Variants in ITGA7 observed in about 807,000 individuals in gnomAD.
ITGA7 encodes integrin subunit alpha 7.
In ITGA7, 84 loss-of-function variants were observed where a neutral mutation model predicts 131.6. The ratio of observed to expected loss-of-function variants is 0.64; its 90% CI spans 0.54 to 0.77. The LOEUF (loss-of-function observed/expected upper bound fraction) is 0.77. Ranked by LOEUF, ITGA7 falls within the 30% of genes least tolerant of loss-of-function variation. The pLI is 0.00. For synonymous variants in ITGA7, 548 were observed against 600.7 expected (o/e 0.91, Z 1.28); for missense variants, 1,399 against 1,482.9 (o/e 0.94, Z 0.93).
At chr12:55,700,458 G>A in intron 4 of ITGA7, 1 of 1,539,966 alleles carries the variant, frequency 6.5e-7, no homozygotes, top group Non-Finnish European at 8.7e-7. Context: ...GCCGGACACT[G>A]AGTTAGACAG....
At position 55,693,347 on chromosome 12, in the gene ITGA7, G is replaced by T. The variant is rs771700218; in HGVS notation, c.2536-30C>A. 9.3e-6 allele frequency: 13 copies of T among 1,404,434 alleles called. No homozygotes were observed. The Admixed American group carries it at 2.1e-4, about 22-fold the overall frequency. The allele number at this position is 1,404,434 out of a possible 1,614,324, so 87.0% of individuals were successfully genotyped here. A position where few individuals can be genotyped will look rare whatever the true frequency, so the allele number is the denominator to read the frequency against. The stretch of plus-strand genomic sequence containing the variant: ...GGGAAAAAGAGAGTATGAGGGGAGA[G>T]ACCTCAGTTTTTCTTTTTTTTTTTT... On this transcript the variant is annotated intron_variant, in intron 19 of 24. Transcript: ENST00000257879.
At position 55,697,995 on chromosome 12, in the gene ITGA7, A is replaced by G; in HGVS notation, c.1224T>C (p.Asp408=). The G allele has an allele frequency of 6.2e-7, 1 of 1,614,108 alleles. No individual in the cohort carries two copies. The highest frequency in any genetic ancestry group is 8.5e-7 in the Non-Finnish European group (1 of 1,180,008). The change falls in exon 8 of 25, where the codon GAT becomes GAC. Residue 408 remains aspartate, a synonymous_variant. Transcript: ENST00000257879. ...DIAVGAPFDG[D]GKVFIYHGSS... ...TCCCATGGTAGATGAAGACTTTCCC[A>G]TCACCATCAAAGGGGGCACCCACTG... is the stretch of plus-strand genomic sequence containing the variant.
At position 55,693,241 on chromosome 12, in the gene ITGA7, T is replaced by C. The variant is rs768368830; in HGVS notation, c.2612A>G (p.Asn871Ser). Reference protein sequence around the residue: ...LNIMWPHEIANGKWLLYPMQV... With the variant: ...LNIMWPHEIASGKWLLYPMQV... ...CATTGGGTACAGCAACCACTTCCCATTGGCAATCTCATGAGGCCACATGAT... is the reference window on the plus strand; with the variant it reads ...CATTGGGTACAGCAACCACTTCCCACTGGCAATCTCATGAGGCCACATGAT... The change falls in exon 20 of 25, where the codon AAT (asparagine) becomes AGT (serine). Residue 871 changes from asparagine to serine, a missense_variant. Coordinates refer to ENST00000257879, the MANE Select transcript of ITGA7 (RefSeq NM_002206.3). 1.1e-5 allele frequency: 18 copies of C among 1,613,938 alleles called. No individual in the cohort carries two copies. In the African/African-American group the frequency reaches 1.7e-4, roughly 16 times the overall value.
chr12:55,701,102 G>T lies in ITGA7; in HGVS notation c.467C>A (p.Thr156Lys), dbSNP rs375671999. The change falls in exon 4 of 25, where the codon ACG (threonine) becomes AAG (lysine). Residue 156 changes from threonine to lysine, a missense_variant. Coordinates refer to ENST00000257879, the MANE Select transcript of ITGA7 (RefSeq NM_002206.3). ...AAAGCAGCGACCAATCATATCCCGC[G>T]TCTCCAGGATCTGGTCCACTCGCTG... is the stretch of plus-strand genomic sequence containing the variant. ...ARQRVDQILETRDMIGRCFVL... is the reference protein window; with the variant it reads ...ARQRVDQILEKRDMIGRCFVL... The T allele has an allele frequency of 4.0e-5, 64 of 1,614,070 alleles. No individual in the cohort carries two copies. Among genetic ancestry groups the T allele is most frequent in the Non-Finnish European group, 5.2e-5 (61 of 1,180,036 alleles).
In ITGA7 at chr12:55,685,334, G is replaced by A. The variant is rs759353806; in HGVS notation, c.3184-46C>T. On this transcript the variant is annotated intron_variant, in intron 24 of 24. Transcript: ENST00000257879. ...ACCATGAGGAGCCTGAAGAGCTGCGGTCCCTGGAGCAGATGCCTAGCGCGG... is the reference window on the plus strand; with the variant it reads ...ACCATGAGGAGCCTGAAGAGCTGCGATCCCTGGAGCAGATGCCTAGCGCGG... The A allele has an allele frequency of 4.4e-5, 69 of 1,569,640 alleles. No individual in the cohort carries two copies. The Middle Eastern group carries it at 1.0e-3, about 23-fold the overall frequency.
upstream of ITGA7, among the ~76,000 whole-genome samples, chr12:55,714,368 AT>A (rs2136126355): frequency 7.0e-6 from 1 of 142,388 alleles, no homozygotes; most frequent in South Asian, 2.3e-4. Flanking sequence ...AAAAAAAAAA[AT>A]TAGCCGGGCG....
At position 55,685,082 on chromosome 12, in the gene ITGA7, C is replaced by G; in HGVS notation, c.3390G>C (p.Gly1130=). Residue 1130 remains glycine, a synonymous_variant, in exon 25 of 25, where the codon GGG becomes GGC. Transcript: ENST00000257879. The stretch of plus-strand genomic sequence containing the variant: ...CCTAGGCGGTGCCTGGCCCTGGATG[C>G]CCATCGGGGCCCAGCTCGGGATGCC... The part of the protein sequence containing the change: ...ADGHPELGPD[G]HPGPGTA 6.3e-7 allele frequency: 1 copy of G among 1,597,074 alleles called. No homozygotes were observed. The highest frequency in any genetic ancestry group is 8.5e-7 in the Non-Finnish European group (1 of 1,173,614).
chr12:55,702,816 AAC>A (rs138614852), intron 3 of ITGA7, 54 bp downstream of exon 3: 20,017 of 1,148,408 alleles, frequency 0.017, no homozygotes, highest in Non-Finnish European at 0.019. Context: ...ACACACCATA[AAC>A]ACACACACAC....
rs1419989649 is a variant in ITGA7 at position 55,687,885 on chromosome 12, T to A, written c.3183+86A>T. On this transcript the variant is annotated intron_variant, in intron 24 of 24. Coordinates refer to ENST00000257879, the MANE Select transcript of ITGA7 (RefSeq NM_002206.3). ...TGCAGATTTGCTGAATACATGAGTG[T>A]GTGGGTGGGTGACAGAACCACAATA... 9 of 1,567,224 alleles carry A rather than the reference T, an allele frequency of 5.7e-6. No individual in the cohort carries two copies. The African/African-American group carries it at 1.2e-4, about 21-fold the overall frequency.
chr12:55,707,812 CCCCGCCAGCCCT>C lies in ITGA7; in HGVS notation c.-142_-131del. 2.7e-6 allele frequency: 4 copies of C among 1,485,770 alleles called. No individual in the cohort carries two copies. In the South Asian group the frequency reaches 4.0e-5, roughly 15 times the overall value. 92.0% of individuals were successfully genotyped at this position (1,485,770 alleles called of 1,614,324 possible). ...CTTTCAGACGTCTCCCAGACGTTCG[CCCCGCCAGCCCT>C]CCCGCCCGCCCGCCGCTCCGCCACC... On this transcript the variant is annotated 5_prime_UTR_variant, in exon 1 of 25. Transcript: ENST00000257879.
At chr12:55,712,257 C>G (rs1251734438), upstream of ITGA7, 1 of 1,551,214 alleles carries the variant, frequency 6.4e-7, no homozygotes, top group Non-Finnish European at 8.7e-7. Flanking sequence ...GGTCACTTAC[C>G]AAAGGGAGCC....
chr12:55,692,744 G>A, intron 21 of ITGA7, 100 bp downstream of exon 21: 1 of 1,442,356 alleles, frequency 6.9e-7, no homozygotes, highest in Non-Finnish European at 9.4e-7. Flanking sequence ...GGGAACATCT[G>A]GTCAACTTGC....
upstream of ITGA7, chr12:55,716,143 C>T (rs1244219754): frequency 6.2e-7 from 1 of 1,612,046 alleles, no homozygotes; most frequent in Admixed American, 1.7e-5. Context: ...ACCATGCTGT[C>T]CCGCCTCCTA....
At chr12:55,700,847 G>A (rs1592465513) in intron 4 of ITGA7, 52 bp downstream of exon 4, 2 of 1,611,822 alleles carry the variant, frequency 1.2e-6, no homozygotes, top group East Asian at 2.2e-5. Context: ...CCCTGTCTCT[G>A]AGGTAAGAGG....
chr12:55,690,758 G>C (rs1871255575), intron 21 of ITGA7, among the ~76,000 whole-genome samples: 1 of 150,156 alleles, frequency 6.7e-6, no homozygotes, highest in South Asian at 2.1e-4. Flanking sequence ...TTAAGAAAAT[G>C]TGGCACATAT....
upstream of ITGA7, among the ~76,000 whole-genome samples, chr12:55,711,453 G>A (rs1232182630): frequency 6.6e-6 from 1 of 151,498 alleles, no homozygotes; most frequent in African/African-American, 2.4e-5. Context: ...ACTCCAGCCT[G>A]GGGGACACAG....
intron 1 of ITGA7, among the ~76,000 whole-genome samples, chr12:55,706,486 T>C (rs1875209590): frequency 6.6e-6 from 1 of 152,096 alleles, no homozygotes; most frequent in Non-Finnish European, 1.5e-5. Flanking sequence ...CAGTAATGGA[T>C]ACTTAATGTG....
At chr12:55,703,203 A>G (rs781739407) in intron 1 of ITGA7, 25 bp from the exon 2 acceptor site, 2 of 1,604,042 alleles carry the variant, frequency 1.2e-6, no homozygotes, top group Admixed American at 3.3e-5. Context: ...AGGGGCAGGG[A>G]CAGGGACAGG....
chr12:55,715,448 T>C (rs1277749053), upstream of ITGA7, among the ~76,000 whole-genome samples: 1 of 152,202 alleles, frequency 6.6e-6, no homozygotes, highest in African/African-American at 2.4e-5. Flanking sequence ...AGAGGCCTTA[T>C]ATAAATTACT....
Sources: gnomAD v4.1 joint callset for allele counts (sites outside exome capture counted in the v4.1 genomes callset) on GRCh38, gnomAD v4.1.1 for gene constraint, MANE v1.5 for transcripts, NCBI Gene and HGNC (gene_info 2026-07-23, HGNC 2026-07-21) for gene names.